The following ESF1 variants were observed in gnomAD, a reference collection of about 807,000 sequenced individuals.
ESF1 encodes the protein ESF1 nucleolar pre-rRNA processing protein.
Under a neutral mutation model 92.0 loss-of-function variants are expected in ESF1, and 58 were observed. The observed-to-expected ratio is 0.63, with a 90% CI of 0.51 to 0.78. The LOEUF is 0.78. Ranked by LOEUF, ESF1 falls within the 30% of genes least tolerant of loss-of-function variation. The pLI, the probability that ESF1 is intolerant of heterozygous loss-of-function variation, is 0.00. For missense variants in ESF1, 922 were observed against 989.1 expected (o/e 0.93, Z 0.91); for synonymous variants, 321 against 313.7 (o/e 1.02, Z -0.24).
At chr20:13,719,068 G>C (rs780837492) in intron 11 of ESF1, 84 bp from the exon 12 acceptor site, 2 of 831,750 alleles carry the variant, frequency 2.4e-6, no homozygotes, top group Non-Finnish European at 3.6e-6. Flanking sequence ...AAAAATATAA[G>C]ATATCTAGGA....
chr20:13,729,075 AG>A (rs2049923648), intron 10 of ESF1, among the ~76,000 whole-genome samples: 1 of 152,094 alleles, frequency 6.6e-6, no homozygotes, highest in African/African-American at 2.4e-5. Flanking sequence ...CCTGGCCAAC[AG>A]GGTGAAACCC....
chr20:13,717,865 C>T (rs1245105250), intron 12 of ESF1, among the ~76,000 whole-genome samples: 1 of 152,022 alleles, frequency 6.6e-6, no homozygotes, highest in African/African-American at 2.4e-5. Context: ...GTTCTTTTTG[C>T]GCAATGATGC....
At chr20:13,776,363 A>T in intron 2 of ESF1, 93 bp from the exon 3 acceptor site, 2 of 1,221,380 alleles carry the variant, frequency 1.6e-6, no homozygotes, top group Non-Finnish European at 2.2e-6. Context: ...CAGTAAAAAT[A>T]TAATTTCTAT....
chr20:13,765,447 T>C (rs1407535275), intron 8 of ESF1, among the ~76,000 whole-genome samples: 3 of 152,138 alleles, frequency 2.0e-5, no homozygotes, highest in African/African-American at 4.8e-5. Flanking sequence ...AAGGGAATAT[T>C]AGAGGGATGA....
At chr20:13,749,755 C>T (rs530488233) in intron 9 of ESF1, among the ~76,000 whole-genome samples, 8 of 151,654 alleles carry the variant, frequency 5.3e-5, no homozygotes, top group Non-Finnish European at 1.0e-4. Context: ...TTAGTAGAGA[C>T]GGGGTTTCAC....
rs1319461161 is a variant in ESF1 at position 13,783,174 on chromosome 20, A to T, written c.-34T>A. ...CTTAATCTCGACCAAATGCTTGAAG[A>T]AAACAAATACTGAAAAATAAAACAA... is the stretch of plus-strand genomic sequence containing the variant. On this transcript the variant is annotated 5_prime_UTR_variant, in exon 2 of 14. Coordinates refer to ENST00000617257, the MANE Select transcript of ESF1 (RefSeq NM_001276380.2). 6.4e-7 allele frequency: 1 copy of T among 1,568,602 alleles called. No individual in the cohort carries two copies. The highest frequency in any genetic ancestry group is 8.6e-7 in the Non-Finnish European group (1 of 1,156,604).
intron 9 of ESF1, among the ~76,000 whole-genome samples, chr20:13,757,334 A>G (rs1447752151): frequency 6.6e-6 from 1 of 152,214 alleles, no homozygotes; most frequent in African/African-American, 2.4e-5. Context: ...AATGCTTATA[A>G]CTTCCAGTTA....
chr20:13,718,991 C>T lies in ESF1; in HGVS notation c.2039-7G>A, dbSNP rs753847215. The T allele has an allele frequency of 1.9e-6, 3 of 1,593,576 alleles. No homozygotes were observed. Among genetic ancestry groups the T allele is most frequent in the Middle Eastern group, 1.7e-4 (1 of 5,962 alleles). ...ACCGATTTTTTATTTATACCTGGCA[C>T]AACAAACCAACATAAGAGTGGTAAA... is the stretch of plus-strand genomic sequence containing the variant. On this transcript the variant is annotated splice_region_variant and splice_polypyrimidine_tract_variant and intron_variant, in intron 11 of 13. Transcript: ENST00000617257.
chr20:13,760,483 C>T (rs371797067), intron 8 of ESF1, among the ~76,000 whole-genome samples: 15 of 151,164 alleles, frequency 9.9e-5, no homozygotes, highest in South Asian at 2.1e-4. Flanking sequence ...TCTGCCCGGC[C>T]GCCCCATCTG....
At chr20:13,775,127 T>C in intron 4 of ESF1, 30 bp downstream of exon 4, 1 of 1,329,940 alleles carries the variant, frequency 7.5e-7, no homozygotes, top group Non-Finnish European at 1.0e-6. Context: ...TGCCTAGAAA[T>C]ATTTATTTCA....
rs539567846 is a variant in ESF1, at chr20:13,719,182, T to C, written c.2039-198A>G. ...ATAAATACAATGCTTCTGCATGGAGTGACTGCATGTTACAAAGGAAGAATT... is the reference window on the plus strand; with the variant it reads ...ATAAATACAATGCTTCTGCATGGAGCGACTGCATGTTACAAAGGAAGAATT... On this transcript the variant is annotated intron_variant, in intron 11 of 13. Transcript: ENST00000617257. Among the ~76,000 whole-genome samples, 3 of 152,182 alleles carry C rather than the reference T, an allele frequency of 2.0e-5. No homozygotes were observed. The South Asian group carries it at 6.2e-4, about 32-fold the overall frequency.
intron 8 of ESF1, among the ~76,000 whole-genome samples, chr20:13,761,201 T>C (rs1387500019): frequency 3.3e-5 from 5 of 152,024 alleles, no homozygotes; most frequent in Non-Finnish European, 4.4e-5. Flanking sequence ...TTAAGAGTCA[T>C]CACCACTCCC....
chr20:13,733,932 T>A, intron 9 of ESF1, 90 bp from the exon 10 acceptor site: 1 of 1,396,394 alleles, frequency 7.2e-7, no homozygotes, highest in Non-Finnish European at 9.5e-7. Flanking sequence ...ATATAATTTA[T>A]GCATATTTAA....
chr20:13,783,066 C>T lies in ESF1; in HGVS notation c.75G>A (p.Met25Ile). The change falls in exon 2 of 14, where the codon ATG (methionine) becomes ATA (isoleucine). Residue 25 changes from methionine to isoleucine, a missense_variant. Met to Ile is a conservative substitution (Grantham distance 10). Coordinates refer to ENST00000617257, the MANE Select transcript of ESF1 (RefSeq NM_001276380.2). ...TTTTGACTTTTCGATCCTTTTCTGGCATTTCCCAAAATCTCGGGTCCTTTG... is the reference window on the plus strand; with the variant it reads ...TTTTGACTTTTCGATCCTTTTCTGGTATTTCCCAAAATCTCGGGTCCTTTG... ...RVAKDPRFWE[M>I]PEKDRKVKID... 6.2e-7 allele frequency: 1 copy of T among 1,613,864 alleles called. No homozygotes were observed. Among genetic ancestry groups the T allele is most frequent in the Middle Eastern group, 1.7e-4 (1 of 5,840 alleles).
At chr20:13,768,511 G>A (rs1979529581) in intron 7 of ESF1, among the ~76,000 whole-genome samples, 1 of 152,028 alleles carries the variant, frequency 6.6e-6, no homozygotes, top group Non-Finnish European at 1.5e-5. Flanking sequence ...GAACCTGGGA[G>A]GCAGAGGTTG....
At chr20:13,780,266 T>C (rs1980118545) in intron 2 of ESF1, among the ~76,000 whole-genome samples, 1 of 152,176 alleles carries the variant, frequency 6.6e-6, no homozygotes, top group African/African-American at 2.4e-5. Context: ...GAAAATTAAA[T>C]GAGAAAAGAT....
chr20:13,772,876 G>C (rs1979756103), intron 4 of ESF1, among the ~76,000 whole-genome samples: 1 of 152,126 alleles, frequency 6.6e-6, no homozygotes, highest in African/African-American at 2.4e-5. Context: ...CCTGGGACAA[G>C]ATGGTTCCGA....
At chr20:13,780,241 G>C (rs1427172727) in intron 2 of ESF1, among the ~76,000 whole-genome samples, 1 of 152,132 alleles carries the variant, frequency 6.6e-6, no homozygotes, top group Non-Finnish European at 1.5e-5. Context: ...CAGTCTTATT[G>C]CTCAAGGTAA....
chr20:13,733,601 T>G, intron 10 of ESF1, 120 bp downstream of exon 10: 1 of 1,035,404 alleles, frequency 9.7e-7, no homozygotes. Flanking sequence ...AAAATTGGGA[T>G]GATAACAAGG....
Sources: allele counts gnomAD v4.1 joint callset (sites outside exome capture counted in the v4.1 genomes callset), GRCh38; gene constraint gnomAD v4.1.1; transcripts MANE v1.5; gene names NCBI Gene and HGNC (gene_info 2026-07-23, HGNC 2026-07-21).